The following NOSTRIN variants were observed in gnomAD, a reference collection of about 807,000 sequenced individuals.
NOSTRIN encodes BM247 homolog.
A neutral mutation model predicts 59.0 loss-of-function variants in NOSTRIN; 63 were observed. That is an observed-to-expected ratio of 1.07 (90% CI 0.87 to 1.32). The LOEUF is 1.32. NOSTRIN is among the 40% of genes most tolerant of loss of function. The pLI, the probability that NOSTRIN is intolerant of heterozygous loss-of-function variation, is 0.00. For synonymous variants in NOSTRIN, 200 were observed against 165.4 expected (o/e 1.21, Z -1.61); for missense variants, 512 against 473.1 (o/e 1.08, Z -0.76).
chr2:168,853,563 A>C (rs972034960), intron 10 of NOSTRIN, among the ~76,000 whole-genome samples: 2 of 152,208 alleles, frequency 1.3e-5, no homozygotes. Context: ...CTGGAAATAC[A>C]TGTTTAAACA....
upstream of NOSTRIN, among the ~76,000 whole-genome samples, chr2:168,793,530 G>C (rs1219351479): frequency 6.6e-6 from 1 of 152,204 alleles, no homozygotes; most frequent in East Asian, 1.9e-4. Context: ...AAGATTGCTT[G>C]AGTTTGGGAG....
At chr2:168,820,321 C>T (rs1686659142) in intron 2 of NOSTRIN, among the ~76,000 whole-genome samples, 1 of 152,174 alleles carries the variant, frequency 6.6e-6, no homozygotes, top group Non-Finnish European at 1.5e-5. Flanking sequence ...ATACCTGCCT[C>T]ATGGGTTATC....
upstream of NOSTRIN, among the ~76,000 whole-genome samples, chr2:168,793,635 A>T (rs1685411566): frequency 6.6e-6 from 1 of 152,050 alleles, no homozygotes; most frequent in African/African-American, 2.4e-5. Flanking sequence ...AACAAAATCT[A>T]AATATCACAA....
At chr2:168,826,793 CAT>C (rs1435055518) in intron 3 of NOSTRIN, among the ~76,000 whole-genome samples, 1 of 152,192 alleles carries the variant, frequency 6.6e-6, no homozygotes, top group Non-Finnish European at 1.5e-5. Flanking sequence ...TCAGTTTTGA[CAT>C]ATGTAAATAC....
chr2:168,789,680 A>C (rs1047310415), intron 2 of NOSTRIN, among the ~76,000 whole-genome samples: 2 of 152,172 alleles, frequency 1.3e-5, no homozygotes, highest in Non-Finnish European at 2.9e-5. Context: ...GGTGCGGTTA[A>C]TTGGGAGGCT....
At chr2:168,788,679 T>C (rs186989123) in intron 2 of NOSTRIN, among the ~76,000 whole-genome samples, 28 of 152,220 alleles carry the variant, frequency 1.8e-4, no homozygotes, top group Middle Eastern at 3.4e-3. Flanking sequence ...GGCGTAAATA[T>C]ATTAACAATA....
At chr2:168,810,306 G>C (rs193180985) in intron 1 of NOSTRIN, among the ~76,000 whole-genome samples, 70 of 152,332 alleles carry the variant, frequency 4.6e-4, no homozygotes, top group Admixed American at 3.1e-3. Flanking sequence ...TACTGCATAA[G>C]GGTAAATGGA....
At position 168,855,549 on chromosome 2, in the gene NOSTRIN, A is replaced by G. The variant is rs1689027788; in HGVS notation, c.964+89A>G. Reference sequence around the variant, plus strand: ...GAGTTAGGATTGATCTGCTTTTGCTATTTGGCAGGGGTCTTCTCATTTAAA... The same window carrying G: ...GAGTTAGGATTGATCTGCTTTTGCTGTTTGGCAGGGGTCTTCTCATTTAAA... On this transcript the variant is annotated intron_variant, in intron 11 of 15. Coordinates refer to ENST00000317647, the MANE Select transcript of NOSTRIN (RefSeq NM_001039724.4). The G allele has an allele frequency of 1.3e-5, 6 of 459,144 alleles. No homozygotes were observed. In the Admixed American group the frequency reaches 1.3e-4, roughly 10 times the overall value. 28.4% of individuals were successfully genotyped at this position (459,144 alleles called of 1,614,324 possible).
At chr2:168,831,662 C>A in intron 6 of NOSTRIN, 128 bp downstream of exon 6, 2 of 628,554 alleles carry the variant, frequency 3.2e-6, no homozygotes, top group South Asian at 2.0e-5. Context: ...AAAAATGTTT[C>A]CTTACCTGGT....
rs561965379 is a variant in NOSTRIN at position 168,802,738 on chromosome 2, A to G, written c.27+65A>G. On this transcript the variant is annotated intron_variant, in intron 1 of 15. Coordinates refer to ENST00000317647, the MANE Select transcript of NOSTRIN (RefSeq NM_001039724.4). ...AGGGTGGAGGGTGGATTTGTATATT[A>G]ATGGATTTTAACTTAAGAAATTTGA... 7.1e-6 allele frequency: 6 copies of G among 842,582 alleles called. 1 individual carries two copies. The South Asian group carries it at 8.3e-5, about 12-fold the overall frequency. 52.2% of individuals were successfully genotyped at this position (842,582 alleles called of 1,614,324 possible).
intron 15 of NOSTRIN, chr2:168,863,718 C>A: frequency 1.1e-6 from 1 of 907,050 alleles, no homozygotes; most frequent in Non-Finnish European, 1.3e-6. Flanking sequence ...AATGCAGAGA[C>A]ATTGTCTTGA....
At position 168,861,949 on chromosome 2, in the gene NOSTRIN, A is replaced by G; in HGVS notation, c.1295-11A>G. 1 of 1,613,606 alleles carries G rather than the reference A, an allele frequency of 6.2e-7. No homozygotes were observed. The highest frequency in any genetic ancestry group is 8.5e-7 in the Non-Finnish European group (1 of 1,179,526). On this transcript the variant is annotated splice_polypyrimidine_tract_variant and intron_variant, in intron 14 of 15. Transcript: ENST00000317647. ...AACACAGCATACTAATTACAGCTTTATCTATTTCAGCCCCTGGTGCAGCCC... is the reference window on the plus strand; with the variant it reads ...AACACAGCATACTAATTACAGCTTTGTCTATTTCAGCCCCTGGTGCAGCCC...
At chr2:168,822,472 C>T (rs934338451) in intron 2 of NOSTRIN, among the ~76,000 whole-genome samples, 2 of 152,130 alleles carry the variant, frequency 1.3e-5, no homozygotes, top group African/African-American at 2.4e-5. Context: ...TGTGAAAACA[C>T]GCAGGTATTA....
At chr2:168,799,302 A>T (rs1239595430), upstream of NOSTRIN, among the ~76,000 whole-genome samples, 1 of 152,172 alleles carries the variant, frequency 6.6e-6, no homozygotes, top group Admixed American at 6.5e-5. Context: ...TCACATTCTC[A>T]TCAACCTGTA....
Position 168,864,939 on chromosome 2 carries a change from C to G in NOSTRIN, c.1490C>G (p.Ser497Ter). The G allele has an allele frequency of 6.2e-7, 1 of 1,614,090 alleles. No homozygotes were observed. Among genetic ancestry groups the G allele is most frequent in the Non-Finnish European group, 8.5e-7 (1 of 1,180,000 alleles). Residue 497 changes from serine to a stop codon, truncating the protein, a stop_gained, in exon 16 of 16, where the codon TCA (serine) becomes TGA (stop). Transcript: ENST00000317647. LOFTEE classifies it low-confidence loss of function (END_TRUNC). ...GCCGCTTATGTGGAGGAGTTACCTTCAAATGCTGGCAACACAGCTACAAAG... is the reference window on the plus strand; with the variant it reads ...GCCGCTTATGTGGAGGAGTTACCTTGAAATGCTGGCAACACAGCTACAAAG... ...FPAAYVEELPSNAGNTATKA is the reference protein window; with the variant it reads ...FPAAYVEELP
intron 1 of NOSTRIN, among the ~76,000 whole-genome samples, chr2:168,804,076 C>T (rs555840084): frequency 1.3e-5 from 2 of 152,190 alleles, no homozygotes; most frequent in South Asian, 4.2e-4. Flanking sequence ...TGGTGGGCAG[C>T]TTTAATTAAG....
intron 2 of NOSTRIN, among the ~76,000 whole-genome samples, chr2:168,814,449 C>T (rs902604093): frequency 1.3e-5 from 2 of 152,186 alleles, no homozygotes; most frequent in Admixed American, 6.5e-5. Flanking sequence ...CCCTTATTTT[C>T]CTCTTAAAGG....
intron 2 of NOSTRIN, among the ~76,000 whole-genome samples, chr2:168,821,876 T>TGCAGAGC (rs1453986778): frequency 6.6e-6 from 1 of 152,244 alleles, no homozygotes; most frequent in Non-Finnish European, 1.5e-5. Flanking sequence ...AGTCAGATCA[T>TGCAGAGC]GCAGAGCTTT....
At chr2:168,795,434 G>A (rs1685454700), upstream of NOSTRIN, among the ~76,000 whole-genome samples, 1 of 152,234 alleles carries the variant, frequency 6.6e-6, no homozygotes, top group Admixed American at 6.5e-5. Flanking sequence ...TAAAGCCATA[G>A]ATCACAGCTA....
Sources: allele counts gnomAD v4.1 joint callset (sites outside exome capture counted in the v4.1 genomes callset), GRCh38; gene constraint gnomAD v4.1.1; transcripts MANE v1.5; gene names NCBI Gene and HGNC (gene_info 2026-07-23, HGNC 2026-07-21).